Variants in CLGN observed in about 807,000 individuals in gnomAD.
CLGN encodes calmegin.
CLGN carries 62 observed loss-of-function variants against 79.1 expected under a neutral mutation model. That is an observed-to-expected ratio of 0.78 (90% CI 0.64 to 0.97). The LOEUF (loss-of-function observed/expected upper bound fraction) is 0.97. Ranked by LOEUF, CLGN falls within the 50% of genes least tolerant of loss-of-function variation. CLGN has a pLI of 0.00. For missense variants in CLGN, 647 were observed against 715.5 expected, an observed-to-expected ratio of 0.90 and a Z score of 1.09; for synonymous variants, 225 against 224.7, an observed-to-expected ratio of 1.00 and a Z score of -0.01.
intron 2 of CLGN, 64 bp downstream of exon 2, chr4:140,412,871 A>G (rs1190583747): frequency 7.6e-6 from 10 of 1,318,864 alleles, no homozygotes; most frequent in Non-Finnish European, 9.5e-6. Flanking sequence ...GAATCACCAG[A>G]GGTCAATCAC....
chr4:140,389,390 A>C, intron 14 of CLGN, 86 bp from the exon 15 acceptor site: 1 of 944,060 alleles, frequency 1.1e-6, no homozygotes, highest in Non-Finnish European at 1.7e-6. Flanking sequence ...TTATTCTCTA[A>C]AATATATGTG....
rs1728717070 is a variant in CLGN, at chr4:140,388,478, T to C, written c.*746A>G. 6.6e-6 allele frequency: 1 copy of C among 151,868 alleles called. No homozygotes were observed. Among genetic ancestry groups the C allele is most frequent in the African/African-American group, 2.4e-5 (1 of 41,420 alleles). The allele number at this position is 151,868 out of a possible 1,614,324, so 9.4% of individuals were successfully genotyped here. ...TTCAGGATGAAAAAATATTTAAATT[T>C]TATTTTCAATAGCAATGTATGCATA... is the stretch of plus-strand genomic sequence containing the variant. On this transcript the variant is annotated 3_prime_UTR_variant, in exon 15 of 15. Coordinates refer to ENST00000325617, the MANE Select transcript of CLGN (RefSeq NM_004362.3).
chr4:140,411,110 A>G (rs1036529029), intron 2 of CLGN, among the ~76,000 whole-genome samples: 2 of 152,114 alleles, frequency 1.3e-5, no homozygotes, highest in Non-Finnish European at 1.5e-5. Flanking sequence ...GCAATTATCA[A>G]CAAAGCGTTG....
chr4:140,393,853 C>G lies in CLGN; in HGVS notation c.1338G>C (p.Trp446Cys). Residue 446 changes from tryptophan to cysteine, a missense_variant, in exon 11 of 15, where the codon TGG (tryptophan) becomes TGC (cysteine). Transcript: ENST00000325617. ...TATTAGCATTTGCTATCATTATTTTCCATCTCCAACCATCTGCAGCCCAGT... is the reference window on the plus strand; with the variant it reads ...TATTAGCATTTGCTATCATTATTTTGCATCTCCAACCATCTGCAGCCCAGT... The part of the protein sequence containing the change: ...ADHWAADGWR[W>C]KIMIANANKP... 1.2e-6 allele frequency: 2 copies of G among 1,613,588 alleles called. No individual in the cohort carries two copies. The highest frequency in any genetic ancestry group is 8.5e-7 in the Non-Finnish European group (1 of 1,179,706).
chr4:140,418,653 A>T (rs1299144566), intron 1 of CLGN, among the ~76,000 whole-genome samples: 1 of 151,622 alleles, frequency 6.6e-6, no homozygotes, highest in Non-Finnish European at 1.5e-5. Context: ...CCACAATGAG[A>T]TACCATCTTA....
At chr4:140,399,193 C>T (rs1728951937) in intron 7 of CLGN, among the ~76,000 whole-genome samples, 153 bp from the exon 8 acceptor site, 1 of 152,076 alleles carries the variant, frequency 6.6e-6, no homozygotes, top group Non-Finnish European at 1.5e-5. Flanking sequence ...CTAAAACATT[C>T]TAAAATCACT....
intron 1 of CLGN, among the ~76,000 whole-genome samples, chr4:140,414,494 G>T (rs1165006183): frequency 6.6e-6 from 1 of 150,464 alleles, no homozygotes; most frequent in Non-Finnish European, 1.5e-5. Context: ...CCAATACAGA[G>T]AAGTGCTTAA....
chr4:140,404,948 G>T (rs967385499), intron 5 of CLGN, among the ~76,000 whole-genome samples: 1 of 151,970 alleles, frequency 6.6e-6, no homozygotes, highest in Non-Finnish European at 1.5e-5. Flanking sequence ...GAGGCATGAG[G>T]CACCATGCCA....
intron 10 of CLGN, among the ~76,000 whole-genome samples, chr4:140,395,034 G>A (rs74736692): frequency 1.9e-3 from 293 of 152,222 alleles, no homozygotes; most frequent in Non-Finnish European, 3.1e-3. Context: ...AAAGTTAGCC[G>A]GGCGTGCTGG....
chr4:140,394,914 G>T lies in CLGN; in HGVS notation c.1150-873C>A, dbSNP rs190955055. 3.5e-3 allele frequency among the ~76,000 whole-genome samples: 533 copies of T among 152,240 alleles called. 6 individuals carry two copies. The highest frequency in any genetic ancestry group is 0.012 in the African/African-American group (506 of 41,558). ...AAAAAAATCAGGGCTGGGTTCGGTGGCTTACTTCTGTAACCTGAGCACTTT... is the reference window on the plus strand; with the variant it reads ...AAAAAAATCAGGGCTGGGTTCGGTGTCTTACTTCTGTAACCTGAGCACTTT... On this transcript the variant is annotated intron_variant, in intron 10 of 14. Transcript: ENST00000325617.
At chr4:140,401,059 C>G (rs1405410859) in intron 6 of CLGN, among the ~76,000 whole-genome samples, 1 of 152,090 alleles carries the variant, frequency 6.6e-6, no homozygotes, top group Non-Finnish European at 1.5e-5. Context: ...GAGTCAGATA[C>G]TGGGGTTCAA....
rs1728791066 is a variant in CLGN at position 140,392,365 on chromosome 4, T to C, written c.1505A>G (p.Asp502Gly). 6.3e-7 allele frequency: 1 copy of C among 1,590,828 alleles called. No homozygotes were observed. Among genetic ancestry groups the C allele is most frequent in the African/African-American group, 1.4e-5 (1 of 73,234 alleles). ...TATGTCGGTTTTTTTATACTCTGTA[T>C]CTTTATGTTTTTTCTGTGGTAGTTA... is the stretch of plus-strand genomic sequence containing the variant. Reference protein sequence around the residue: ...WPRKVKKKHKDTEYKKTDICI... With the variant: ...WPRKVKKKHKGTEYKKTDICI... The change falls in exon 13 of 15, where the codon GAT becomes GGT. Residue 502 changes from aspartate to glycine, a missense_variant. Coordinates refer to ENST00000325617, the MANE Select transcript of CLGN (RefSeq NM_004362.3).
At chr4:140,401,836 T>C in intron 6 of CLGN, 149 bp downstream of exon 6, 1 of 512,466 alleles carries the variant, frequency 2.0e-6, no homozygotes. Flanking sequence ...TGAAGGCGAA[T>C]TGTAAGAGCT....
intron 10 of CLGN, among the ~76,000 whole-genome samples, chr4:140,394,376 G>A (rs1016143065): frequency 6.6e-6 from 1 of 152,252 alleles, no homozygotes. Flanking sequence ...TGTTATTCAA[G>A]TTGTCCAAAT....
chr4:140,404,135 C>T (rs1182134982), intron 5 of CLGN, among the ~76,000 whole-genome samples: 3 of 151,716 alleles, frequency 2.0e-5, no homozygotes, highest in Non-Finnish European at 2.9e-5. Flanking sequence ...GCCCAGTTGC[C>T]CAGGCTGGAG....
intron 7 of CLGN, among the ~76,000 whole-genome samples, chr4:140,399,493 T>G (rs1442464632): frequency 6.6e-6 from 1 of 152,234 alleles, no homozygotes; most frequent in Non-Finnish European, 1.5e-5. Flanking sequence ...AATGCCTAGT[T>G]TTTTCAATTA....
At chr4:140,392,765 G>A (rs1578898364) in intron 11 of CLGN, 54 bp from the exon 12 acceptor site, 7 of 1,473,276 alleles carry the variant, frequency 4.8e-6, no homozygotes, top group East Asian at 4.9e-5. Flanking sequence ...ACCTTTACTG[G>A]GTAACACAAG....
intron 1 of CLGN, among the ~76,000 whole-genome samples, chr4:140,416,479 A>G (rs11728615): frequency 0.14 from 21,789 of 151,936 alleles, 2,048 homozygotes; most frequent in Middle Eastern, 0.23. Context: ...AAAAAAAGAG[A>G]GAAGAATCTA....
In CLGN at chr4:140,400,432, C is replaced by T. The variant is rs756437881; in HGVS notation, c.619G>A (p.Glu207Lys). ...HKHPKTGVFE[E>K]KHAKPPDVDL... ...ACATCTGGAGGTTTGGCATGTTTCT[C>T]TTCGAAAACTCCAGTTTTGGGATGT... Residue 207 changes from glutamate to lysine, a missense_variant, in exon 7 of 15, where the codon GAG becomes AAG. Physicochemically the swap from Glu to Lys is moderately conservative, Grantham distance 56 (BLOSUM62 1). Coordinates refer to ENST00000325617, the MANE Select transcript of CLGN (RefSeq NM_004362.3). 6.2e-7 allele frequency: 1 copy of T among 1,613,170 alleles called. No individual in the cohort carries two copies. The highest frequency in any genetic ancestry group is 1.7e-4 in the Middle Eastern group (1 of 6,052).
Sources: allele counts gnomAD v4.1 joint callset (sites outside exome capture counted in the v4.1 genomes callset), GRCh38; gene constraint gnomAD v4.1.1; transcripts MANE v1.5; gene names NCBI Gene and HGNC (gene_info 2026-07-23, HGNC 2026-07-21).